FIG4: variants seen among roughly 807,000 people sequenced by gnomAD.
FIG4 encodes FIG4 phosphoinositide 5-phosphatase, also known as polyphosphoinositide phosphatase.
In FIG4, 112 loss-of-function variants were observed where a neutral mutation model predicts 118.6. That is an observed-to-expected ratio of 0.94 (90% confidence interval 0.81 to 1.11). FIG4 has a LOEUF of 1.11. Ranked by LOEUF, FIG4 falls within the 50% of genes least tolerant of loss-of-function variation. The pLI is 0.00. For synonymous variants in FIG4, 369 were observed against 381.2 expected, an observed-to-expected ratio of 0.97 and a Z score of 0.37; for missense variants, 969 against 1,111.7, an observed-to-expected ratio of 0.87 and a Z score of 1.83.
intron 10 of FIG4, among the ~76,000 whole-genome samples, chr6:109,744,032 TTG>T (rs1250140230): frequency 2.6e-5 from 4 of 152,220 alleles, no homozygotes; most frequent in Admixed American, 2.0e-4. Flanking sequence ...CAGGAAATCA[TTG>T]TGTCCTGATT....
chr6:109,732,271 CTTG>C (rs1006433593), intron 4 of FIG4, among the ~76,000 whole-genome samples: 1 of 152,148 alleles, frequency 6.6e-6, no homozygotes, highest in African/African-American at 2.4e-5. Context: ...CCACATTGCG[CTTG>C]TTGTTGTTGC....
chr6:109,723,684 C>G (rs1464839910), intron 3 of FIG4, among the ~76,000 whole-genome samples: 2 of 152,324 alleles, frequency 1.3e-5, no homozygotes, highest in East Asian at 3.9e-4. Context: ...GGCTGGGCCC[C>G]TGACCCAAGT....
chr6:109,810,239 G>A (rs1222756365), intron 22 of FIG4, among the ~76,000 whole-genome samples: 1 of 151,972 alleles, frequency 6.6e-6, no homozygotes, highest in Admixed American at 6.5e-5. Context: ...CAGTGACTTA[G>A]TTATTAAAAA....
intron 1 of FIG4, among the ~76,000 whole-genome samples, chr6:109,714,575 C>T (rs983362733): frequency 1.3e-5 from 2 of 152,096 alleles, no homozygotes; most frequent in African/African-American, 4.8e-5. Flanking sequence ...GGAAGGACAA[C>T]CATTTTAATC....
intron 22 of FIG4, among the ~76,000 whole-genome samples, chr6:109,800,821 A>G (rs768149159): frequency 1.3e-5 from 2 of 151,714 alleles, no homozygotes; most frequent in African/African-American, 2.4e-5. Context: ...TTGTTCCCCT[A>G]CTGCCTTCTG....
chr6:109,729,147 T>G (rs1411361959), intron 4 of FIG4, among the ~76,000 whole-genome samples: 1 of 152,204 alleles, frequency 6.6e-6, no homozygotes, highest in Non-Finnish European at 1.5e-5. Context: ...TACATAATGT[T>G]TATCTCTGTA....
Position 109,766,794 on chromosome 6 carries a change from T to G in FIG4, c.1649T>G (p.Leu550Arg). Residue 550 changes from leucine to arginine, a missense_variant, in exon 15 of 23, where the codon CTT becomes CGT. By Grantham distance (102) the Leu-to-Arg change is moderately radical. Transcript: ENST00000230124. ...TCCCTTCAGTATGGTGGTTCTCAAC[T>G]TGTTCATCGTGTGAAAACCTACAGA... ...TLSLQYGGSQ[L>R]VHRVKTYRKI... 6.2e-7 allele frequency: 1 copy of G among 1,613,894 alleles called. No homozygotes were observed. Among genetic ancestry groups the G allele is most frequent in the Non-Finnish European group, 8.5e-7 (1 of 1,179,784 alleles).
intron 16 of FIG4, among the ~76,000 whole-genome samples, chr6:109,779,743 C>T (rs1197199130): frequency 6.6e-6 from 1 of 152,134 alleles, no homozygotes; most frequent in Non-Finnish European, 1.5e-5. Context: ...GGTTATTTTG[C>T]TGACAGTTAA....
At chr6:109,759,920 T>G (rs1176911690) in intron 10 of FIG4, among the ~76,000 whole-genome samples, 41 of 152,150 alleles carry the variant, frequency 2.7e-4, no homozygotes, top group Non-Finnish European at 2.6e-4. Flanking sequence ...TTCTGGTCCT[T>G]GGGAGGGATC....
intron 22 of FIG4, among the ~76,000 whole-genome samples, chr6:109,800,036 A>G (rs1459278760): frequency 6.6e-6 from 1 of 152,168 alleles, no homozygotes; most frequent in Non-Finnish European, 1.5e-5. Flanking sequence ...CAATAACCCT[A>G]TAAAGTACAT....
intron 6 of FIG4, among the ~76,000 whole-genome samples, chr6:109,735,587 G>A (rs755758004): frequency 1.3e-5 from 2 of 152,062 alleles, no homozygotes; most frequent in South Asian, 4.2e-4. Flanking sequence ...ATGGTGTGCA[G>A]AGGTGAAGTT....
At chr6:109,765,442 CA>C (rs930827249) in intron 14 of FIG4, among the ~76,000 whole-genome samples, 1 of 152,052 alleles carries the variant, frequency 6.6e-6, no homozygotes, top group Admixed American at 6.6e-5. Context: ...CCAATTTTCC[CA>C]GCACCCATTT....
At chr6:109,742,495 G>A (rs77587031) in intron 8 of FIG4, among the ~76,000 whole-genome samples, 83 of 152,050 alleles carry the variant, frequency 5.5e-4, no homozygotes, top group African/African-American at 1.9e-3. Flanking sequence ...GCTTAAAATA[G>A]CAACATTGTT....
At chr6:109,759,848 G>T (rs1450543394) in intron 10 of FIG4, among the ~76,000 whole-genome samples, 1 of 152,220 alleles carries the variant, frequency 6.6e-6, no homozygotes, top group East Asian at 1.9e-4. Flanking sequence ...TTTGGGAATT[G>T]TTCATCCAGA....
At chr6:109,734,395 A>C (rs1276705664) in intron 5 of FIG4, among the ~76,000 whole-genome samples, 1 of 150,780 alleles carries the variant, frequency 6.6e-6, no homozygotes, top group Non-Finnish European at 1.5e-5. Context: ...TAGTATATAT[A>C]CACAACTATG....
intron 1 of FIG4, among the ~76,000 whole-genome samples, chr6:109,709,133 T>A (rs1388593619): frequency 6.6e-6 from 1 of 152,216 alleles, no homozygotes; most frequent in Non-Finnish European, 1.5e-5. Context: ...TGAGTTAATT[T>A]TTGTATGTGG....
At chr6:109,788,094 C>T (rs1434651816) in intron 18 of FIG4, among the ~76,000 whole-genome samples, 1 of 152,064 alleles carries the variant, frequency 6.6e-6, no homozygotes, top group Non-Finnish European at 1.5e-5. Flanking sequence ...TGTAAATGTT[C>T]TGAGCACTTT....
chr6:109,797,351 T>C (rs75707924), intron 22 of FIG4, among the ~76,000 whole-genome samples: 1 of 152,212 alleles, frequency 6.6e-6, no homozygotes, highest in Non-Finnish European at 1.5e-5. Context: ...TGCTGTGTTG[T>C]TGAGTTTCCT....
chr6:109,743,895 A>G, intron 10 of FIG4, 123 bp downstream of exon 10: 1 of 768,598 alleles, frequency 1.3e-6, no homozygotes, highest in South Asian at 1.4e-5. Flanking sequence ...GCAGATTATT[A>G]TGCTGGGACA....
Sources: gnomAD v4.1 joint callset for allele counts (sites outside exome capture counted in the v4.1 genomes callset) on GRCh38, gnomAD v4.1.1 for gene constraint, MANE v1.5 for transcripts, NCBI Gene and HGNC (gene_info 2026-07-23, HGNC 2026-07-21) for gene names.